The following CYB5RL variants were observed in gnomAD, a reference collection of about 807,000 sequenced individuals.
CYB5RL encodes the protein cytochrome b5 reductase like.
Under a neutral mutation model 37.5 loss-of-function variants are expected in CYB5RL, and 38 were observed. That is an observed-to-expected ratio of 1.01 (90% CI 0.78 to 1.33). The LOEUF (loss-of-function observed/expected upper bound fraction) is 1.33, where lower values mean the gene tolerates loss of function less well. Ranked by LOEUF, CYB5RL falls within the 40% of genes most tolerant of loss-of-function variation. The pLI is 0.00. For missense variants in CYB5RL, 388 were observed against 394.4 expected, an observed-to-expected ratio of 0.98 and a Z score of 0.14; for synonymous variants, 141 against 151.9, an observed-to-expected ratio of 0.93 and a Z score of 0.53.
chr1:54,198,476 G>A (rs1015472705), intron 1 of CYB5RL, among the ~76,000 whole-genome samples: 3 of 151,624 alleles, frequency 2.0e-5, no homozygotes, highest in Non-Finnish European at 4.4e-5. Flanking sequence ...GGGACTACAG[G>A]CGCCCGCCAC....
rs1161197576 is a variant in CYB5RL at position 54,171,022 on chromosome 1, C to T, written c.*3597G>A. 9 of 409,102 alleles carry T rather than the reference C, an allele frequency of 2.2e-5. No homozygotes were observed. The highest frequency in any genetic ancestry group is 8.1e-5 in the African/African-American group (4 of 49,348). 25.3% of individuals were successfully genotyped at this position (409,102 alleles called of 1,614,324 possible). On this transcript the variant is annotated 3_prime_UTR_variant, in exon 8 of 8. Transcript: ENST00000534324. ...CTCCCCTGTTAGGGGTACAATGGGC[C>T]GGCCCTCATGCTCACATGCAGATGA...
chr1:54,174,433 G>A lies in CYB5RL; in HGVS notation c.*186C>T, dbSNP rs998152422. ...CTTCTACATAGTAGGAGGCCAGGAG[G>A]AGTGATTAACCTCATGGGGCAGATG... is the stretch of plus-strand genomic sequence containing the variant. On this transcript the variant is annotated 3_prime_UTR_variant, in exon 8 of 8. Transcript: ENST00000534324. 16 of 660,324 alleles carry A rather than the reference G, an allele frequency of 2.4e-5. No homozygotes were observed. Among genetic ancestry groups the A allele is most frequent in the Admixed American group, 1.4e-4 (5 of 36,646 alleles). 40.9% of individuals were successfully genotyped at this position (660,324 alleles called of 1,614,324 possible). A position where few individuals can be genotyped will look rare whatever the true frequency, so the allele number is the denominator to read the frequency against.
intron 3 of CYB5RL, 78 bp from the exon 4 acceptor site, chr1:54,190,974 T>A: frequency 6.5e-7 from 1 of 1,529,422 alleles, no homozygotes; most frequent in Non-Finnish European, 8.8e-7. Context: ...CTTCCCACTG[T>A]CCCCAAGGAG....
Position 54,172,512 on chromosome 1 carries a change from C to T in CYB5RL, c.*2107G>A, listed in dbSNP as rs1212195106. 2 of 152,186 alleles carry T rather than the reference C, an allele frequency of 1.3e-5. No homozygotes were observed. Among genetic ancestry groups the T allele is most frequent in the African/African-American group, 4.8e-5 (2 of 41,426 alleles). The allele number at this position is 152,186 out of a possible 1,614,324, so 9.4% of individuals were successfully genotyped here. ...TGAGTGACTTCAAAGCTTTTGAAGC[C>T]TCTATCCCCGCTGGCAGTGGTGTGC... is the stretch of plus-strand genomic sequence containing the variant. On this transcript the variant is annotated 3_prime_UTR_variant, in exon 8 of 8. Transcript: ENST00000534324.
In CYB5RL at chr1:54,179,323, G is replaced by C. The variant is rs764017755; in HGVS notation, c.570C>G (p.Gly190=). The C allele has an allele frequency of 3.1e-6, 5 of 1,613,440 alleles. No homozygotes were observed. The highest frequency in any genetic ancestry group is 4.2e-6 in the Non-Finnish European group (5 of 1,179,822). The change falls in exon 7 of 8, where the codon GGC becomes GGG. Residue 190 remains glycine (G), a synonymous_variant. Transcript: ENST00000534324. The part of the protein sequence containing the change: ...QYGELLLLAA[G]TGLAPMVPIL... ...TAGGCACCATGGGGGCCAGGCCCGT[G>C]CCCGCAGCCAGCAAGAGGAGCTCAC...
intron 4 of CYB5RL, among the ~76,000 whole-genome samples, chr1:54,188,488 C>T (rs190351276): frequency 1.7e-4 from 26 of 152,320 alleles, no homozygotes; most frequent in African/African-American, 5.3e-4. Context: ...CCTCAAAGGG[C>T]CCTGGTCTAA....
At chr1:54,190,163 G>A (rs1235948897) in intron 4 of CYB5RL, among the ~76,000 whole-genome samples, 2 of 152,158 alleles carry the variant, frequency 1.3e-5, no homozygotes, top group South Asian at 2.1e-4. Flanking sequence ...ACTGGGGTGG[G>A]AGTAGAGTGC....
At chr1:54,180,888 C>T (rs1269717992) in intron 6 of CYB5RL, among the ~76,000 whole-genome samples, 2 of 152,104 alleles carry the variant, frequency 1.3e-5, no homozygotes, top group Admixed American at 6.6e-5. Context: ...TATGGTGGCT[C>T]ATGCGTGTAA....
chr1:54,197,357 C>T (rs1644017943), intron 1 of CYB5RL, among the ~76,000 whole-genome samples: 1 of 139,320 alleles, frequency 7.2e-6, no homozygotes, highest in Non-Finnish European at 1.5e-5. Flanking sequence ...ACTCTGTTGC[C>T]CAGGTTGCCA....
At chr1:54,183,285 A>G (rs966945839) in intron 6 of CYB5RL, among the ~76,000 whole-genome samples, 1 of 152,244 alleles carries the variant, frequency 6.6e-6, no homozygotes, top group Admixed American at 6.5e-5. Flanking sequence ...TTATAAATAA[A>G]GATGCAATGA....
At position 54,187,644 on chromosome 1, in the gene CYB5RL, C is replaced by T. The variant is rs1334399129; in HGVS notation, c.435+8G>A. On this transcript the variant is annotated splice_region_variant and intron_variant, in intron 5 of 7. Transcript: ENST00000534324. ...GGCATCTTGGAGCATCCTCAAGGGT[C>T]AACTCACCTTAATTAACACTTCAAA... 6.2e-7 allele frequency: 1 copy of T among 1,613,644 alleles called. No individual in the cohort carries two copies. Among genetic ancestry groups the T allele is most frequent in the Non-Finnish European group, 8.5e-7 (1 of 1,179,598 alleles).
At chr1:54,183,700 G>A (rs927748289) in intron 6 of CYB5RL, among the ~76,000 whole-genome samples, 1 of 152,202 alleles carries the variant, frequency 6.6e-6, no homozygotes, top group African/African-American at 2.4e-5. Context: ...CTCTGGCTGG[G>A]CGCGGTGGCT....
intron 7 of CYB5RL, among the ~76,000 whole-genome samples, chr1:54,178,450 C>A (rs909572891): frequency 6.6e-6 from 1 of 152,156 alleles, no homozygotes; most frequent in Non-Finnish European, 1.5e-5. Flanking sequence ...GAGGGCCTGG[C>A]TTGAGATGAG....
At chr1:54,198,293 G>A (rs1644032804) in intron 1 of CYB5RL, among the ~76,000 whole-genome samples, 1 of 151,672 alleles carries the variant, frequency 6.6e-6, no homozygotes. Context: ...ATGAGTGAAT[G>A]AGGTCTGGTT....
At position 54,196,388 on chromosome 1, in the gene CYB5RL, T is replaced by C. The variant is rs1206340250; in HGVS notation, c.-119A>G. 1 of 152,150 alleles carries C rather than the reference T, an allele frequency of 6.6e-6. No homozygotes were observed. The highest frequency in any genetic ancestry group is 1.9e-4 in the East Asian group (1 of 5,192). The allele number at this position is 152,150 out of a possible 1,614,324, so 9.4% of individuals were successfully genotyped here. On this transcript the variant is annotated 5_prime_UTR_variant, in exon 2 of 8. Coordinates refer to ENST00000534324, the MANE Select transcript of CYB5RL (RefSeq NM_001031672.4). ...ACTTACATTTTGTAGAGACAGGGTC[T>C]CACTATGTTGCCAGTCTGGTCTCGA... is the stretch of plus-strand genomic sequence containing the variant.
rs199620217 is a variant in CYB5RL at position 54,197,312 on chromosome 1, C to CTTTT, written c.-222-825_-222-822dup. On this transcript the variant is annotated intron_variant, in intron 1 of 7. Coordinates refer to ENST00000534324, the MANE Select transcript of CYB5RL (RefSeq NM_001031672.4). ...TCATAAACACTTTTCTTTTTCTTTT[C>CTTTT]TTTTCTTTTTTTTTTTTTTTTGAGA... 3.2e-3 allele frequency among the ~76,000 whole-genome samples: 419 copies of CTTTT among 130,200 alleles called. 7 individuals are homozygous for CTTTT. Among genetic ancestry groups the CTTTT allele is most frequent in the Non-Finnish European group, 4.6e-3 (284 of 62,062 alleles). The allele number at this position is 130,200 out of a possible 152,430, so 85.4% of individuals were successfully genotyped here. A position where few individuals can be genotyped will look rare whatever the true frequency, so the allele number is the denominator to read the frequency against.
At chr1:54,180,568 C>T (rs1050578234) in intron 6 of CYB5RL, among the ~76,000 whole-genome samples, 5 of 151,120 alleles carry the variant, frequency 3.3e-5, no homozygotes, top group Non-Finnish European at 5.9e-5. Flanking sequence ...CGCGCCACTG[C>T]ACTCCAGCCT....
chr1:54,196,681 T>C (rs1012012606), intron 1 of CYB5RL, among the ~76,000 whole-genome samples, 190 bp from the exon 2 acceptor site: 19 of 152,192 alleles, frequency 1.2e-4, no homozygotes, highest in African/African-American at 4.6e-4. Flanking sequence ...ATTTCCTTTT[T>C]CCCCTAGTTT....
chr1:54,180,545 A>T (rs538599995), intron 6 of CYB5RL, among the ~76,000 whole-genome samples: 35 of 151,518 alleles, frequency 2.3e-4, no homozygotes, highest in Non-Finnish European at 4.4e-4. Flanking sequence ...CGGAGCTTGC[A>T]GTGAGCTGAG....
Sources: allele counts gnomAD v4.1 joint callset (sites outside exome capture counted in the v4.1 genomes callset), GRCh38; gene constraint gnomAD v4.1.1; transcripts MANE v1.5; gene names NCBI Gene and HGNC (gene_info 2026-07-23, HGNC 2026-07-21).